The following TNFRSF11A variants were observed in gnomAD, a reference collection of about 807,000 sequenced individuals.
The protein encoded by TNFRSF11A is tumor necrosis factor receptor superfamily member 11A.
A neutral mutation model predicts 55.7 loss-of-function variants in TNFRSF11A; 32 were observed. The ratio of observed to expected loss-of-function variants is 0.57; its 90% CI spans 0.43 to 0.77. The LOEUF (loss-of-function observed/expected upper bound fraction) is 0.77. Among genes scored for constraint, TNFRSF11A ranks in the 30% least tolerant of loss-of-function variants. The probability of loss-of-function intolerance (pLI) is 0.00; values close to 1 mark genes in which losing one functional copy is unlikely to be tolerated. For missense variants in TNFRSF11A, 753 were observed against 809.8 expected, an observed-to-expected ratio of 0.93 and a Z score of 0.85; for synonymous variants, 311 against 331.0, an observed-to-expected ratio of 0.94 and a Z score of 0.65.
At chr18:62,336,583 G>C (rs148267203) in intron 1 of TNFRSF11A, 4 of 152,270 alleles carry the variant, frequency 2.6e-5, no homozygotes, top group African/African-American at 9.6e-5. Context: ...TGAATACAAA[G>C]TTAAAGAAAA....
At position 62,368,901 on chromosome 18, in the gene TNFRSF11A, A is replaced by C; in HGVS notation, c.984A>C (p.Ser328=). 6.2e-7 allele frequency: 1 copy of C among 1,614,270 alleles called. No individual in the cohort carries two copies. The highest frequency in any genetic ancestry group is 8.5e-7 in the Non-Finnish European group (1 of 1,180,050). ...AAGGCGAAGATGCCAGGATGCTCTC[A>C]TTGGTCAGCAAGACCGAGATAGAGG... ...YAQGEDARML[S]LVSKTEIEED... The change falls in exon 9 of 10, where the codon TCA becomes TCC. Residue 328 remains serine, a synonymous_variant. Coordinates refer to ENST00000586569, the MANE Select transcript of TNFRSF11A (RefSeq NM_003839.4).
At chr18:62,351,800 G>GTTGT (rs1022521206) in intron 3 of TNFRSF11A, among the ~76,000 whole-genome samples, 4 of 152,134 alleles carry the variant, frequency 2.6e-5, no homozygotes, top group Non-Finnish European at 5.9e-5. Context: ...TATTGTTGCT[G>GTTGT]TTGTTTGTTT....
At position 62,361,674 on chromosome 18, in the gene TNFRSF11A, A is replaced by G. The variant is rs1409203445; in HGVS notation, c.617-6A>G. ...CTACCATATTTCTCATTTTCTTCCA[A>G]TACAGAACCCCATGTTTACTTGCCC... On this transcript the variant is annotated splice_region_variant and splice_polypyrimidine_tract_variant and intron_variant, in intron 6 of 9. Coordinates refer to ENST00000586569, the MANE Select transcript of TNFRSF11A (RefSeq NM_003839.4). The G allele has an allele frequency of 1.9e-6, 3 of 1,611,986 alleles. No individual in the cohort carries two copies. Among genetic ancestry groups the G allele is most frequent in the East Asian group, 2.2e-5 (1 of 44,884 alleles).
At chr18:62,347,965 A>G (rs950713417) in intron 1 of TNFRSF11A, among the ~76,000 whole-genome samples, 4 of 151,082 alleles carry the variant, frequency 2.6e-5, no homozygotes, top group Non-Finnish European at 3.0e-5. Flanking sequence ...AGGCTAAAGT[A>G]GGAGAATCGC....
chr18:62,366,062 C>T (rs966076275), intron 7 of TNFRSF11A, among the ~76,000 whole-genome samples: 1 of 152,194 alleles, frequency 6.6e-6, no homozygotes, highest in African/African-American at 2.4e-5. Flanking sequence ...AAGTGATCCA[C>T]CTGCCTTGGC....
chr18:62,328,280 G>C (rs906101973), intron 1 of TNFRSF11A, among the ~76,000 whole-genome samples: 3 of 152,134 alleles, frequency 2.0e-5, no homozygotes, highest in Non-Finnish European at 4.4e-5. Flanking sequence ...CGGGATGAAG[G>C]GGTTTCCCAA....
chr18:62,355,959 GCTCACCTA>G (rs1909221867), intron 4 of TNFRSF11A, among the ~76,000 whole-genome samples: 1 of 152,210 alleles, frequency 6.6e-6, no homozygotes, highest in Non-Finnish European at 1.5e-5. Context: ...ATGTGGCCAA[GCTCACCTA>G]CTGATGTGAT....
At chr18:62,363,570 CG>C (rs1909857194) in intron 7 of TNFRSF11A, among the ~76,000 whole-genome samples, 1 of 151,394 alleles carries the variant, frequency 6.6e-6, no homozygotes, top group Non-Finnish European at 1.5e-5. Flanking sequence ...GGTTTCACCA[CG>C]TTGGTCAGGC....
intron 1 of TNFRSF11A, among the ~76,000 whole-genome samples, chr18:62,336,010 TGCCTG>T (rs1276554787): frequency 6.6e-6 from 1 of 152,214 alleles, no homozygotes; most frequent in Admixed American, 6.5e-5. Context: ...CCAAGCACAG[TGCCTG>T]GCACGTAGTA....
In TNFRSF11A at chr18:62,354,326, C is replaced by T. The variant is rs1909070982; in HGVS notation, c.284-65C>T. On this transcript the variant is annotated intron_variant, in intron 3 of 9. Transcript: ENST00000586569. ...TGGGCTGGATGTTGGATAGCGCAGT[C>T]GTGGGCGGTGTGTTTGGGCTGCCTG... 7 of 1,488,386 alleles carry T rather than the reference C, an allele frequency of 4.7e-6. No individual in the cohort carries two copies. The South Asian group carries it at 6.5e-5, about 14-fold the overall frequency. The allele number at this position is 1,488,386 out of a possible 1,614,324, so 92.2% of individuals were successfully genotyped here. A position where few individuals can be genotyped will look rare whatever the true frequency, so the allele number is the denominator to read the frequency against.
At position 62,384,695 on chromosome 18, in the gene TNFRSF11A, C is replaced by G. The variant is rs1195942821; in HGVS notation, c.1568-56C>G. 4 of 1,587,024 alleles carry G rather than the reference C, an allele frequency of 2.5e-6. No individual in the cohort carries two copies. The African/African-American group carries it at 5.4e-5, about 21-fold the overall frequency. ...TCCCCGGAACCTTCCTCTCGGCAGACCCTGCCTCCGGGCGCTGACTCACCC... is the reference window on the plus strand; with the variant it reads ...TCCCCGGAACCTTCCTCTCGGCAGAGCCTGCCTCCGGGCGCTGACTCACCC... On this transcript the variant is annotated intron_variant, in intron 9 of 9. Transcript: ENST00000586569.
At chr18:62,380,468 ACT>A (rs1163277866) in intron 9 of TNFRSF11A, among the ~76,000 whole-genome samples, 18 of 133,394 alleles carry the variant, frequency 1.3e-4, no homozygotes, top group African/African-American at 8.8e-5. Flanking sequence ...AGAGAGTCTC[ACT>A]CTGTCGCCCA....
At chr18:62,361,276 AC>A (rs75404003) in intron 6 of TNFRSF11A, among the ~76,000 whole-genome samples, 17,386 of 152,010 alleles carry the variant, frequency 0.11, 1,238 homozygotes, top group East Asian at 0.3. Flanking sequence ...TGACCAGCAA[AC>A]CCCTGGTGCC....
intron 1 of TNFRSF11A, among the ~76,000 whole-genome samples, chr18:62,326,184 C>G (rs912289881): frequency 6.6e-6 from 1 of 152,246 alleles, no homozygotes; most frequent in African/African-American, 2.4e-5. Flanking sequence ...AAAGCTCTCA[C>G]AGGGAAGGGC....
chr18:62,325,379 C>T lies in TNFRSF11A; in HGVS notation c.27C>T (p.Arg9=). 1 of 1,079,636 alleles carries T rather than the reference C, an allele frequency of 9.3e-7. No homozygotes were observed. Among genetic ancestry groups the T allele is most frequent in the Non-Finnish European group, 1.1e-6 (1 of 893,048 alleles). 66.9% of individuals were successfully genotyped at this position (1,079,636 alleles called of 1,614,324 possible). The change falls in exon 1 of 10, where the codon CGC becomes CGT. Residue 9 remains arginine, a synonymous_variant. Coordinates refer to ENST00000586569, the MANE Select transcript of TNFRSF11A (RefSeq NM_003839.4). This position sits in a 1 kb window ranked among gnomAD's most constrained non-coding sequence, Gnocchi z 4.7. ...TGGCCCCGCGCGCCCGGCGGCGCCG[C>T]CCGCTGTTCGCGCTGCTGCTGCTCT... MAPRARRR[R]PLFALLLLCA...
intron 1 of TNFRSF11A, among the ~76,000 whole-genome samples, chr18:62,347,330 AT>A (rs1698586548): frequency 6.6e-6 from 1 of 152,218 alleles, no homozygotes; most frequent in Admixed American, 6.5e-5. Flanking sequence ...CACACCAAGA[AT>A]GCTGATCAGG....
rs1484811087 is a variant in TNFRSF11A at position 62,390,316 on chromosome 18, A to C, written c.*5282A>C. 1.3e-5 allele frequency: 2 copies of C among 152,242 alleles called. No homozygotes were observed. Among genetic ancestry groups the C allele is most frequent in the African/African-American group, 4.8e-5 (2 of 41,460 alleles). The allele number at this position is 152,242 out of a possible 1,614,324, so 9.4% of individuals were successfully genotyped here. On this transcript the variant is annotated 3_prime_UTR_variant, in exon 10 of 10. Coordinates refer to ENST00000586569, the MANE Select transcript of TNFRSF11A (RefSeq NM_003839.4). ...TGAGGGAAGTAGACTTACCCAATAT[A>C]ACTTCACATTATACTGTCTTAAAAG...
chr18:62,343,327 C>T (rs1195069595), intron 1 of TNFRSF11A, among the ~76,000 whole-genome samples: 1 of 152,166 alleles, frequency 6.6e-6, no homozygotes, highest in Non-Finnish European at 1.5e-5. Context: ...CTACATCGTT[C>T]GATGTCAGCA....
chr18:62,358,648 C>A (rs1029259790), intron 5 of TNFRSF11A, among the ~76,000 whole-genome samples: 3 of 152,188 alleles, frequency 2.0e-5, no homozygotes, highest in Admixed American at 6.5e-5. Context: ...AGTGGTCACG[C>A]CTACTTCTCC....
Sources: gnomAD v4.1 joint callset for allele counts (sites outside exome capture counted in the v4.1 genomes callset) on GRCh38, gnomAD v4.1.1 for gene constraint, Gnocchi (gnomAD v3.1) non-coding constraint, MANE v1.5 for transcripts, NCBI Gene and HGNC (gene_info 2026-07-23, HGNC 2026-07-21) for gene names.